The following PRKG1 variants were observed in gnomAD, a reference collection of about 807,000 sequenced individuals.
The protein encoded by PRKG1 is protein kinase cGMP-dependent 1.
A neutral mutation model predicts 88.1 loss-of-function variants in PRKG1; 35 were observed. The observed-to-expected ratio is 0.40, with a 90% CI of 0.30 to 0.53. The LOEUF (loss-of-function observed/expected upper bound fraction) is 0.53. PRKG1 is among the 20% of genes least tolerant of loss of function. The pLI is 0.59. For synonymous variants in PRKG1, 303 were observed against 292.5 expected, an observed-to-expected ratio of 1.04 and a Z score of -0.37; for missense variants, 540 against 839.8, an observed-to-expected ratio of 0.64 and a Z score of 4.41.
intron 7 of PRKG1, among the ~76,000 whole-genome samples, chr10:52,096,194 A>G (rs1011360905): frequency 2.6e-5 from 4 of 152,168 alleles, no homozygotes; most frequent in African/African-American, 9.7e-5. Flanking sequence ...TCTTTAAACA[A>G]AGGTCTCAGA....
intron 4 of PRKG1, among the ~76,000 whole-genome samples, chr10:51,835,118 G>A (rs567322738): frequency 4.7e-4 from 72 of 152,278 alleles, no homozygotes; most frequent in Non-Finnish European, 6.8e-4. Context: ...CAGCTCTGGG[G>A]CTGGAGAGAA....
chr10:51,679,851 C>A (rs978759605), intron 3 of PRKG1, among the ~76,000 whole-genome samples: 7 of 147,558 alleles, frequency 4.7e-5, no homozygotes, highest in East Asian at 2.0e-4. Context: ...TTAGGTATAT[C>A]TCCCAATGCT....
intron 1 of PRKG1, among the ~76,000 whole-genome samples, chr10:51,027,368 A>G (rs1024891039): frequency 1.3e-5 from 2 of 152,168 alleles, no homozygotes; most frequent in Non-Finnish European, 2.9e-5. Flanking sequence ...TTAGCATCCC[A>G]TAGGTTTTCA....
chr10:51,594,360 C>G (rs12241368), intron 3 of PRKG1, among the ~76,000 whole-genome samples: 10,923 of 152,102 alleles, frequency 0.072, 1,288 homozygotes, highest in African/African-American at 0.25. Context: ...CCTGTAAAGC[C>G]TAAGACATTT....
chr10:51,342,477 T>C (rs1427673046), intron 2 of PRKG1, among the ~76,000 whole-genome samples: 2 of 152,168 alleles, frequency 1.3e-5, no homozygotes, highest in Non-Finnish European at 2.9e-5. Context: ...TATTTTTAAG[T>C]GAAATAAAAC....
chr10:52,289,599 A>G (rs11001472), intron 16 of PRKG1, among the ~76,000 whole-genome samples: 83,103 of 151,970 alleles, frequency 0.55, 23,089 homozygotes, highest in Non-Finnish European at 0.61. Flanking sequence ...AAAGCCTGCT[A>G]AGAATTTGTT....
chr10:51,824,876 G>A (rs1839845015), intron 4 of PRKG1, among the ~76,000 whole-genome samples: 1 of 152,062 alleles, frequency 6.6e-6, no homozygotes. Context: ...CCTCCCATCA[G>A]GCCCCACCTC....
intron 2 of PRKG1, among the ~76,000 whole-genome samples, chr10:51,361,189 C>A (rs1259693930): frequency 8.6e-5 from 13 of 151,932 alleles, no homozygotes; most frequent in Admixed American, 2.6e-4. Flanking sequence ...AAGGTTTTAA[C>A]CTCCACAGGT....
chr10:51,381,506 C>A (rs1264107430), intron 2 of PRKG1, among the ~76,000 whole-genome samples: 1 of 151,832 alleles, frequency 6.6e-6, no homozygotes, highest in Non-Finnish European at 1.5e-5. Context: ...TTTACTAGAT[C>A]CCAGTGCAGA....
intron 7 of PRKG1, chr10:52,126,001 G>C (rs1202299811): frequency 6.6e-6 from 1 of 152,074 alleles, no homozygotes; most frequent in Non-Finnish European, 1.5e-5. Context: ...TCAAGTCCAC[G>C]GTGTGAGGAA....
At chr10:51,532,417 A>G in intron 3 of PRKG1, among the ~76,000 whole-genome samples, 1 of 152,206 alleles carries the variant, frequency 6.6e-6, no homozygotes, top group Non-Finnish European at 1.5e-5. Context: ...GGACTTCATG[A>G]AAGCGTGATT....
intron 2 of PRKG1, among the ~76,000 whole-genome samples, chr10:51,294,085 G>A (rs898683811): frequency 7.9e-5 from 12 of 151,844 alleles, no homozygotes; most frequent in Admixed American, 7.2e-4. Flanking sequence ...TTTACTTATT[G>A]AGTTGTATGA....
At chr10:52,007,867 T>C (rs10823950) in intron 5 of PRKG1, among the ~76,000 whole-genome samples, 12,002 of 152,084 alleles carry the variant, frequency 0.079, 775 homozygotes, top group East Asian at 0.32. Flanking sequence ...GTACACACTC[T>C]AAAATCAGAC....
At chr10:51,110,308 C>T (rs780290470) in intron 1 of PRKG1, among the ~76,000 whole-genome samples, 6 of 152,044 alleles carry the variant, frequency 3.9e-5, no homozygotes, top group Non-Finnish European at 7.4e-5. Flanking sequence ...AAATGTCTAT[C>T]AACAGGTGAA....
intron 9 of PRKG1, among the ~76,000 whole-genome samples, chr10:52,242,902 AAAG>A (rs1211720325): frequency 4.1e-5 from 5 of 121,022 alleles, no homozygotes; most frequent in African/African-American, 7.6e-5. Flanking sequence ...TCTCAAAAAA[AAAG>A]AAGGAGAAGG....
chr10:52,126,064 AC>A (rs1847924506), intron 7 of PRKG1: 1 of 152,100 alleles, frequency 6.6e-6, no homozygotes, highest in Non-Finnish European at 1.5e-5. Context: ...GCAATTTAAA[AC>A]GTATGACTTG....
chr10:51,589,147 T>C (rs904295780), intron 3 of PRKG1, among the ~76,000 whole-genome samples: 6 of 152,140 alleles, frequency 3.9e-5, no homozygotes, highest in Non-Finnish European at 8.8e-5. Flanking sequence ...ATGAACTAGG[T>C]GCCCTATCAA....
At chr10:51,590,893 C>G (rs920154085) in intron 3 of PRKG1, among the ~76,000 whole-genome samples, 16 of 152,118 alleles carry the variant, frequency 1.1e-4, no homozygotes, top group Admixed American at 2.6e-4. Flanking sequence ...TTCATTTCTT[C>G]AAAACTTTAT....
chr10:51,123,320 C>T (rs4935226), intron 1 of PRKG1, among the ~76,000 whole-genome samples: 75,999 of 151,500 alleles, frequency 0.5, 20,337 homozygotes, highest in East Asian at 0.71. Context: ...AAAATCAGCC[C>T]AAAAAAGGCT....
Sources: gnomAD v4.1 joint callset for allele counts (sites outside exome capture counted in the v4.1 genomes callset) on GRCh38, gnomAD v4.1.1 for gene constraint, MANE v1.5 for transcripts, NCBI Gene and HGNC (gene_info 2026-07-23, HGNC 2026-07-21) for gene names.